Variants in MSRA observed in about 807,000 individuals in gnomAD.
The protein encoded by MSRA is mitochondrial peptide methionine sulfoxide reductase.
MSRA carries 54 observed loss-of-function variants against 31.3 expected under a neutral mutation model. That is an observed-to-expected ratio of 1.73 (90% confidence interval 1.39 to 2.17). The LOEUF (loss-of-function observed/expected upper bound fraction) is 2.17. Ranked by LOEUF, MSRA falls within the 30% of genes most tolerant of loss-of-function variation. The pLI is 0.00. For missense variants in MSRA, 507 were observed against 300.9 expected (o/e 1.69, Z -5.07); for synonymous variants, 169 against 116.5 (o/e 1.45, Z -2.90).
At chr8:10,278,572 C>A (rs1363730722) in intron 3 of MSRA, among the ~76,000 whole-genome samples, 1 of 152,222 alleles carries the variant, frequency 6.6e-6, no homozygotes, top group African/African-American at 2.4e-5. Context: ...ACACCTATGG[C>A]CTGTAGGCCT....
At chr8:10,357,484 A>G (rs987093465) in intron 5 of MSRA, among the ~76,000 whole-genome samples, 3 of 152,150 alleles carry the variant, frequency 2.0e-5, no homozygotes, top group Admixed American at 2.0e-4. Context: ...GTCCATTGCA[A>G]TTACTATCTT....
Position 10,255,652 on chromosome 8 carries a change from G to A in MSRA, c.331+10429G>A, listed in dbSNP as rs1427786622. Among the ~76,000 whole-genome samples the A allele has an allele frequency of 2.6e-5, 4 of 152,038 alleles. No individual in the cohort carries two copies. In the East Asian group the frequency reaches 5.8e-4, roughly 22 times the overall value. On this transcript the variant is annotated intron_variant, in intron 3 of 5. Coordinates refer to ENST00000317173, the MANE Select transcript of MSRA (RefSeq NM_012331.5). ...AATAATCTGTCACCTTGTTTAAGGCGTGTTCGGTTGCGTTTGATAGTTTGA... is the reference window on the plus strand; with the variant it reads ...AATAATCTGTCACCTTGTTTAAGGCATGTTCGGTTGCGTTTGATAGTTTGA...
At chr8:10,259,982 G>A (rs949164336) in intron 3 of MSRA, among the ~76,000 whole-genome samples, 3 of 152,252 alleles carry the variant, frequency 2.0e-5, no homozygotes, top group Non-Finnish European at 4.4e-5. Context: ...CAACACAGAC[G>A]CTCCAGAGAA....
At chr8:10,085,045 G>C (rs1798487758) in intron 1 of MSRA, among the ~76,000 whole-genome samples, 2 of 152,196 alleles carry the variant, frequency 1.3e-5, no homozygotes, top group South Asian at 2.1e-4. Flanking sequence ...TCGTACTATG[G>C]TTTTAAATAT....
chr8:10,296,954 C>G (rs545142526), intron 3 of MSRA, among the ~76,000 whole-genome samples: 1 of 152,322 alleles, frequency 6.6e-6, no homozygotes. Context: ...TCCCTGCTCT[C>G]TTGTTCTTGT....
intron 3 of MSRA, among the ~76,000 whole-genome samples, chr8:10,252,992 CAA>C (rs1797996051): frequency 6.6e-6 from 1 of 152,130 alleles, no homozygotes; most frequent in African/African-American, 2.4e-5. Flanking sequence ...AAGTTGAAAC[CAA>C]AGAGACGTGC....
At chr8:10,234,029 G>C (rs1045968629) in intron 2 of MSRA, among the ~76,000 whole-genome samples, 15 of 152,116 alleles carry the variant, frequency 9.9e-5, no homozygotes, top group Non-Finnish European at 2.1e-4. Flanking sequence ...CATCTTCAAA[G>C]TATTGATGAA....
At chr8:10,155,000 T>TATA (rs1554468796) in intron 1 of MSRA, among the ~76,000 whole-genome samples, 1 of 98,378 alleles carries the variant, frequency 1.0e-5, no homozygotes, top group Non-Finnish European at 1.9e-5. Flanking sequence ...TGTGTATATA[T>TATA]TTTATATATA....
At chr8:10,083,374 C>A (rs915892197) in intron 1 of MSRA, among the ~76,000 whole-genome samples, 1 of 152,078 alleles carries the variant, frequency 6.6e-6, no homozygotes, top group Non-Finnish European at 1.5e-5. Flanking sequence ...GACACATTTC[C>A]CTGTATTTTA....
intron 3 of MSRA, among the ~76,000 whole-genome samples, chr8:10,289,755 T>C (rs1360505898): frequency 2.6e-5 from 4 of 152,184 alleles, no homozygotes; most frequent in Admixed American, 6.5e-5. Context: ...ACAGACACTT[T>C]TAGGAAAACG....
intron 1 of MSRA, among the ~76,000 whole-genome samples, chr8:10,110,228 T>C (rs750586769): frequency 2.0e-5 from 3 of 152,186 alleles, no homozygotes; most frequent in Non-Finnish European, 2.9e-5. Context: ...ACAAGAAAGG[T>C]TTGGACTGTT....
At chr8:10,158,122 A>G (rs1038555532) in intron 1 of MSRA, among the ~76,000 whole-genome samples, 1 of 152,174 alleles carries the variant, frequency 6.6e-6, no homozygotes, top group Non-Finnish European at 1.5e-5. Flanking sequence ...CCTCTTTTAT[A>G]AGGGCACTAA....
chr8:10,241,516 G>C (rs1812410242), intron 2 of MSRA, among the ~76,000 whole-genome samples: 3 of 152,202 alleles, frequency 2.0e-5, no homozygotes, highest in African/African-American at 7.2e-5. Context: ...AATGGATGAA[G>C]CAAGCATTTA....
At chr8:10,095,074 G>A (rs979693558) in intron 1 of MSRA, among the ~76,000 whole-genome samples, 1 of 152,130 alleles carries the variant, frequency 6.6e-6, no homozygotes, top group South Asian at 2.1e-4. Context: ...CTGGGCATAC[G>A]GTTTTAATTT....
rs560841287 is a variant in MSRA at position 10,354,729 on chromosome 8, G to T, written c.543+34740G>T. 2.3e-5 allele frequency among the ~76,000 whole-genome samples: 3 copies of T among 128,326 alleles called. No individual in the cohort carries two copies. In the South Asian group the frequency reaches 7.9e-4, roughly 34 times the overall value. The allele number at this position is 128,326 out of a possible 152,430, so 84.2% of individuals were successfully genotyped here. A position where few individuals can be genotyped will look rare whatever the true frequency, so the allele number is the denominator to read the frequency against. ...ATGAATATCTTTTCATACCAGTTAT[G>T]TAATATGTGTGTGTGTGTGTGTATA... On this transcript the variant is annotated intron_variant, in intron 5 of 5. Transcript: ENST00000317173.
Position 10,243,517 on chromosome 8 carries a change from A to G in MSRA, c.212-1587A>G, listed in dbSNP as rs564798996. Among the ~76,000 whole-genome samples, 18 of 152,348 alleles carry G rather than the reference A, an allele frequency of 1.2e-4. 1 individual carries two copies. The highest frequency in any genetic ancestry group is 4.3e-4 in the African/African-American group (18 of 41,580). On this transcript the variant is annotated intron_variant, in intron 2 of 5. Coordinates refer to ENST00000317173, the MANE Select transcript of MSRA (RefSeq NM_012331.5). ...CACTAGCAGCAAGCAATTCACTTGT[A>G]AACTGGTATAGTGGCGGGTAACATA...
intron 2 of MSRA, among the ~76,000 whole-genome samples, chr8:10,224,621 C>T (rs1810832858): frequency 6.6e-6 from 1 of 152,124 alleles, no homozygotes; most frequent in Non-Finnish European, 1.5e-5. Flanking sequence ...GTCCAGTGGA[C>T]AGAGCTGAGA....
intron 5 of MSRA, among the ~76,000 whole-genome samples, chr8:10,390,525 G>T (rs17151885): frequency 0.08 from 12,159 of 152,086 alleles, 1,069 homozygotes; most frequent in African/African-American, 0.23. Flanking sequence ...GCACATTTAT[G>T]ACAGGATAGG....
chr8:10,377,678 G>T (rs1182651004), intron 5 of MSRA, among the ~76,000 whole-genome samples: 1 of 152,218 alleles, frequency 6.6e-6, no homozygotes, highest in East Asian at 1.9e-4. Flanking sequence ...CAAGCGGTCT[G>T]TGTCTTTCAC....
Sources: allele counts gnomAD v4.1 joint callset (sites outside exome capture counted in the v4.1 genomes callset), GRCh38; gene constraint gnomAD v4.1.1; transcripts MANE v1.5; gene names NCBI Gene and HGNC (gene_info 2026-07-23, HGNC 2026-07-21).